The following KLHL32 variants were observed in gnomAD, a reference collection of about 807,000 sequenced individuals.
KLHL32 encodes the protein kelch like family member 32.
A neutral mutation model predicts 64.8 loss-of-function variants in KLHL32; 35 were observed. The observed-to-expected ratio is 0.54, with a 90% CI of 0.41 to 0.72. The LOEUF is 0.72. Among genes scored for constraint, KLHL32 ranks in the 30% least tolerant of loss-of-function variants. KLHL32 has a pLI of 0.00. For synonymous variants in KLHL32, 259 were observed against 281.0 expected (o/e 0.92, Z 0.78); for missense variants, 589 against 768.5 (o/e 0.77, Z 2.76).
chr6:96,943,823 G>A (rs577568478), intron 1 of KLHL32, among the ~76,000 whole-genome samples: 5 of 152,210 alleles, frequency 3.3e-5, no homozygotes, highest in Non-Finnish European at 7.3e-5. Context: ...TATCTGGCAG[G>A]GGAACGAGTG....
At chr6:96,930,171 A>G (rs1358700722) in intron 1 of KLHL32, among the ~76,000 whole-genome samples, 1 of 152,224 alleles carries the variant, frequency 6.6e-6, no homozygotes, top group Non-Finnish European at 1.5e-5. Flanking sequence ...ATTTGATGCT[A>G]ATGGCACAGA....
chr6:96,995,079 A>G (rs1778275084), intron 3 of KLHL32, among the ~76,000 whole-genome samples: 1 of 152,190 alleles, frequency 6.6e-6, no homozygotes, highest in African/African-American at 2.4e-5. Context: ...ATGTTTTTTC[A>G]TCTATACATT....
intron 3 of KLHL32, among the ~76,000 whole-genome samples, chr6:96,984,064 A>G (rs891920642): frequency 1.3e-5 from 2 of 152,146 alleles, no homozygotes; most frequent in African/African-American, 4.8e-5. Context: ...CGTCCCAGAG[A>G]TCCTGATATG....
At chr6:97,104,218 G>C (rs1422944900) in intron 6 of KLHL32, among the ~76,000 whole-genome samples, 1 of 152,150 alleles carries the variant, frequency 6.6e-6, no homozygotes, top group Non-Finnish European at 1.5e-5. Context: ...GACAACTCAG[G>C]TCACTTTTCA....
At chr6:96,963,625 T>C (rs1039757199) in intron 1 of KLHL32, among the ~76,000 whole-genome samples, 1 of 152,186 alleles carries the variant, frequency 6.6e-6, no homozygotes, top group Non-Finnish European at 1.5e-5. Flanking sequence ...AGTTATGCAA[T>C]AGAGGCAAAT....
intron 1 of KLHL32, among the ~76,000 whole-genome samples, chr6:96,942,651 T>TGG (rs201366219): frequency 0.02 from 1,967 of 97,700 alleles, 38 homozygotes; most frequent in African/African-American, 0.068. Flanking sequence ...GCTACAGCTG[T>TGG]GGGGTGTGTG....
chr6:97,107,735 A>G (rs77508448), intron 6 of KLHL32, among the ~76,000 whole-genome samples: 2,861 of 152,358 alleles, frequency 0.019, 81 homozygotes, highest in African/African-American at 0.066. Flanking sequence ...TAAGAAAGCC[A>G]TAAAGATGAG....
At chr6:96,951,002 A>G (rs1157058836) in intron 1 of KLHL32, among the ~76,000 whole-genome samples, 1 of 152,236 alleles carries the variant, frequency 6.6e-6, no homozygotes, top group Non-Finnish European at 1.5e-5. Context: ...TTTGAACAAA[A>G]AAAAAGTACT....
In KLHL32 at chr6:97,045,964, G is replaced by A. The variant is rs376256165; in HGVS notation, c.312+4365G>A. ...GCCAAATGAGATGAAAATATATCTG[G>A]TGTAAGTGCCTTTAAAAAGAAAGAA... On this transcript the variant is annotated intron_variant, in intron 4 of 10. Coordinates refer to ENST00000369261, the MANE Select transcript of KLHL32 (RefSeq NM_052904.4). 1.3e-4 allele frequency among the ~76,000 whole-genome samples: 20 copies of A among 152,258 alleles called. No homozygotes were observed. The East Asian group carries it at 3.5e-3, about 26-fold the overall frequency.
the KLHL32 span, among the ~76,000 whole-genome samples, chr6:96,903,458 A>G: frequency 2.4e-4 from 36 of 152,314 alleles, no homozygotes; most frequent in African/African-American, 8.2e-4. Context: ...TTAGGAGACA[A>G]GAGTGAGGGA....
At chr6:96,970,278 C>G (rs908043159) in intron 2 of KLHL32, among the ~76,000 whole-genome samples, 39 of 152,262 alleles carry the variant, frequency 2.6e-4, no homozygotes, top group Admixed American at 7.8e-4. Context: ...TTAGGATAAC[C>G]TGGCCCAGAA....
At chr6:96,950,688 G>C (rs1427412632) in intron 1 of KLHL32, among the ~76,000 whole-genome samples, 1 of 152,212 alleles carries the variant, frequency 6.6e-6, no homozygotes, top group African/African-American at 2.4e-5. Context: ...AACCTGGCCA[G>C]ATGTATTTTC....
chr6:97,037,045 G>A (rs1766465), intron 3 of KLHL32, among the ~76,000 whole-genome samples: 27,365 of 152,146 alleles, frequency 0.18, 2,944 homozygotes, highest in African/African-American at 0.31. Flanking sequence ...TGAAAGTTAA[G>A]TACATTATGA....
At chr6:97,132,122 C>T (rs2128222340) in intron 9 of KLHL32, among the ~76,000 whole-genome samples, 1 of 152,206 alleles carries the variant, frequency 6.6e-6, no homozygotes, top group South Asian at 2.1e-4. Flanking sequence ...TTAATATAAT[C>T]TTTAAAATGT....
intron 3 of KLHL32, among the ~76,000 whole-genome samples, chr6:97,021,880 C>T (rs1250963864): frequency 3.3e-5 from 5 of 150,886 alleles, no homozygotes; most frequent in African/African-American, 5.0e-5. Flanking sequence ...CAATTAATGG[C>T]AACTGTCCAG....
chr6:97,118,663 C>G (rs1798063228), intron 7 of KLHL32, among the ~76,000 whole-genome samples: 1 of 140,400 alleles, frequency 7.1e-6, no homozygotes, highest in South Asian at 2.3e-4. Flanking sequence ...TGGGAACTAA[C>G]AGCAGGCATA....
chr6:97,132,772 A>G (rs371736502), intron 10 of KLHL32, 25 bp downstream of exon 10: 2 of 1,496,170 alleles, frequency 1.3e-6, no homozygotes, highest in Admixed American at 1.8e-5. Context: ...TTCCTTTTGA[A>G]GTTTGTTCAA....
chr6:97,124,009 G>A (rs1203655372), intron 7 of KLHL32, among the ~76,000 whole-genome samples: 1 of 152,196 alleles, frequency 6.6e-6, no homozygotes, highest in Admixed American at 6.5e-5. Context: ...AGCGAAGAGT[G>A]TTATGTGAAG....
intron 1 of KLHL32, among the ~76,000 whole-genome samples, chr6:96,933,246 T>A (rs1770161794): frequency 6.6e-6 from 1 of 152,196 alleles, no homozygotes; most frequent in Non-Finnish European, 1.5e-5. Flanking sequence ...CGTGCCTTGA[T>A]TACTGAATTT....
Sources: gnomAD v4.1 joint callset for allele counts (sites outside exome capture counted in the v4.1 genomes callset) on GRCh38, gnomAD v4.1.1 for gene constraint, MANE v1.5 for transcripts, NCBI Gene and HGNC (gene_info 2026-07-23, HGNC 2026-07-21) for gene names.